KIAA1217: variants seen among roughly 807,000 people sequenced by gnomAD.
KIAA1217 encodes the protein KIAA1217.
In KIAA1217, 88 loss-of-function variants were observed where a neutral mutation model predicts 163.9. That is an observed-to-expected ratio of 0.54 (90% CI 0.45 to 0.64). KIAA1217 has a LOEUF of 0.64. KIAA1217 is among the 30% of genes least tolerant of loss of function. The pLI is 0.00. For missense variants in KIAA1217, 2,372 were observed against 2,475.0 expected, an observed-to-expected ratio of 0.96 and a Z score of 0.88; for synonymous variants, 903 against 923.1, an observed-to-expected ratio of 0.98 and a Z score of 0.39.
chr10:23,843,030 C>G (rs188776800), intron 1 of KIAA1217, among the ~76,000 whole-genome samples: 1 of 152,208 alleles, frequency 6.6e-6, no homozygotes, highest in East Asian at 1.9e-4. Flanking sequence ...AGGAAGACTT[C>G]CAGTATGTGA....
chr10:23,736,703 T>G (rs546851540), intron 1 of KIAA1217, among the ~76,000 whole-genome samples: 2 of 152,132 alleles, frequency 1.3e-5, no homozygotes, highest in Admixed American at 6.5e-5. Flanking sequence ...AAAAAAAAAT[T>G]TTCGTAGAGA....
intron 5 of KIAA1217, among the ~76,000 whole-genome samples, chr10:24,440,514 C>T (rs1419833861): frequency 6.6e-6 from 1 of 152,204 alleles, no homozygotes; most frequent in Non-Finnish European, 1.5e-5. Flanking sequence ...TTTAACCCTC[C>T]AGCAGCTCTG....
chr10:24,217,150 G>A (rs191233650), intron 1 of KIAA1217, among the ~76,000 whole-genome samples: 2 of 150,890 alleles, frequency 1.3e-5, no homozygotes, highest in African/African-American at 4.9e-5. Flanking sequence ...TCTTCAGATT[G>A]CACAGGTATT....
intron 1 of KIAA1217, among the ~76,000 whole-genome samples, chr10:23,897,250 C>T (rs1841746829): frequency 6.6e-6 from 1 of 152,024 alleles, no homozygotes; most frequent in African/African-American, 2.4e-5. Flanking sequence ...GGGTCCTCAT[C>T]AACTTCCTTC....
chr10:24,055,600 T>C (rs116855539), intron 2 of KIAA1217, among the ~76,000 whole-genome samples: 2,046 of 152,292 alleles, frequency 0.013, 22 homozygotes, highest in Non-Finnish European at 0.023. Flanking sequence ...TGTGTGGCTG[T>C]CCTTCCTCTC....
At chr10:23,828,647 A>G (rs936544295) in intron 1 of KIAA1217, among the ~76,000 whole-genome samples, 5 of 152,178 alleles carry the variant, frequency 3.3e-5, no homozygotes, top group East Asian at 1.9e-4. Flanking sequence ...CTGTCCTCCA[A>G]TGCTCTGAGC....
At chr10:24,217,031 C>CAAAAAAA (rs60303909) in intron 1 of KIAA1217, among the ~76,000 whole-genome samples, 1 of 21,320 alleles carries the variant, frequency 4.7e-5, no homozygotes, top group Non-Finnish European at 7.6e-5. Flanking sequence ...GACCTTGTCT[C>CAAAAAAA]AAAAAAAAAA....
intron 2 of KIAA1217, among the ~76,000 whole-genome samples, chr10:24,271,057 G>A (rs2076727681): frequency 2.0e-5 from 3 of 152,136 alleles, no homozygotes; most frequent in African/African-American, 7.2e-5. Flanking sequence ...CAGTGTCATT[G>A]GAAAAAGCAT....
In KIAA1217 at chr10:23,968,053, C is replaced by A. The variant is rs899925800; in HGVS notation, c.-320-39172C>A. On this transcript the variant is annotated intron_variant, in intron 1 of 18. Coordinates refer to the KIAA1217 transcript ENST00000376462. ...TGGTGGTTTGCTGCAACTATCAACC[C>A]GAATTTGACTCTATTAATTCTCCTG... Among the ~76,000 whole-genome samples, 4 of 151,280 alleles carry A rather than the reference C, an allele frequency of 2.6e-5. No individual in the cohort carries two copies. In the South Asian group the frequency reaches 8.4e-4, roughly 32 times the overall value.
intron 1 of KIAA1217, among the ~76,000 whole-genome samples, chr10:23,799,660 A>G (rs1239876477): frequency 6.6e-6 from 1 of 152,162 alleles, no homozygotes. Flanking sequence ...AGGGAATCCA[A>G]TAAACTGCCT....
chr10:24,203,812 A>G (rs1397088172), upstream of KIAA1217, among the ~76,000 whole-genome samples: 2 of 152,124 alleles, frequency 1.3e-5, no homozygotes, highest in African/African-American at 4.8e-5. Flanking sequence ...TCTGGGATAA[A>G]AGGGGTGAGC....
chr10:23,694,884 G>GAA (rs1301263548), exon 1 of KIAA1217: 1 of 152,640 alleles, frequency 6.6e-6, no homozygotes, highest in Non-Finnish European at 1.5e-5. Flanking sequence ...CAGGTGAATT[G>GAA]AAAGTCGTTT....
intron 6 of KIAA1217, chr10:24,482,324 G>A (rs2064820080): frequency 6.6e-6 from 1 of 152,218 alleles, no homozygotes; most frequent in Non-Finnish European, 1.5e-5. Flanking sequence ...CTAAGTCTGA[G>A]ACCAGAAACT....
At chr10:24,478,540 C>A (rs919502549) in intron 6 of KIAA1217, among the ~76,000 whole-genome samples, 1 of 152,108 alleles carries the variant, frequency 6.6e-6, no homozygotes, top group Admixed American at 6.6e-5. Context: ...TCAGAACAGC[C>A]ATTCTAGTGT....
intron 1 of KIAA1217, among the ~76,000 whole-genome samples, chr10:23,790,855 C>A (rs1008035831): frequency 6.6e-6 from 1 of 151,770 alleles, no homozygotes; most frequent in African/African-American, 2.4e-5. Flanking sequence ...TGCCTCAGCA[C>A]CCCCCAATAG....
intron 3 of KIAA1217, among the ~76,000 whole-genome samples, chr10:24,417,010 C>A (rs1389085054): frequency 6.6e-6 from 1 of 152,104 alleles, no homozygotes; most frequent in African/African-American, 2.4e-5. Flanking sequence ...AAGTCAGTCA[C>A]AAGGATTTAG....
intron 1 of KIAA1217, among the ~76,000 whole-genome samples, chr10:23,925,574 C>T (rs1842988937): frequency 1.3e-5 from 2 of 152,184 alleles, no homozygotes; most frequent in Non-Finnish European, 2.9e-5. Flanking sequence ...TGCAGCTTAA[C>T]AAAGTTCACT....
chr10:23,757,939 A>G (rs374473028), intron 1 of KIAA1217, among the ~76,000 whole-genome samples: 15 of 152,336 alleles, frequency 9.8e-5, no homozygotes, highest in African/African-American at 3.1e-4. Flanking sequence ...AGTCTTCTAT[A>G]TAGCTTGGAT....
chr10:24,129,330 A>G (rs2063572161), intron 2 of KIAA1217, among the ~76,000 whole-genome samples: 1 of 152,170 alleles, frequency 6.6e-6, no homozygotes, highest in South Asian at 2.1e-4. Context: ...TAACATCATT[A>G]GAATTAGTAA....
Sources: gnomAD v4.1 joint callset for allele counts (sites outside exome capture counted in the v4.1 genomes callset) on GRCh38, gnomAD v4.1.1 for gene constraint, MANE v1.5 for transcripts, NCBI Gene and HGNC (gene_info 2026-07-23, HGNC 2026-07-21) for gene names.